PELI2: variants seen among roughly 807,000 people sequenced by gnomAD.
PELI2 encodes E3 ubiquitin-protein ligase pellino homolog 2.
A neutral mutation model predicts 42.3 loss-of-function variants in PELI2; 23 were observed. The ratio of observed to expected loss-of-function variants is 0.54; its 90% CI spans 0.39 to 0.77. The LOEUF (loss-of-function observed/expected upper bound fraction) is 0.77, where lower values mean the gene tolerates loss of function less well. Among genes scored for constraint, PELI2 ranks in the 30% least tolerant of loss-of-function variants. PELI2 has a pLI of 0.00. For synonymous variants in PELI2, 245 were observed against 212.2 expected, an observed-to-expected ratio of 1.15 and a Z score of -1.34; for missense variants, 463 against 553.2, an observed-to-expected ratio of 0.84 and a Z score of 1.64.
At position 56,297,048 on chromosome 14, in the gene PELI2, C is replaced by T; in HGVS notation, c.1145C>T (p.Ser382Phe). 1 of 1,613,690 alleles carries T rather than the reference C, an allele frequency of 6.2e-7. No homozygotes were observed. The highest frequency in any genetic ancestry group is 8.5e-7 in the Non-Finnish European group (1 of 1,179,980). ...VCSEKSAKYW[S>F]QIPLPHGTHA... Reference sequence around the variant, plus strand: ...TCGGAGAAGTCTGCAAAATACTGGTCTCAGATCCCGTTGCCTCATGGAACT... The same window carrying T: ...TCGGAGAAGTCTGCAAAATACTGGTTTCAGATCCCGTTGCCTCATGGAACT... Residue 382 changes from serine (S) to phenylalanine (F), a missense_variant, in exon 6 of 6, where the codon TCT becomes TTT. Physicochemically the swap from Ser to Phe is radical, Grantham distance 155. Transcript: ENST00000267460.
chr14:56,236,438 T>A (rs1388308799), intron 2 of PELI2, among the ~76,000 whole-genome samples: 3 of 152,172 alleles, frequency 2.0e-5, no homozygotes, highest in Non-Finnish European at 2.9e-5. Context: ...TATCCAGACT[T>A]CTAGCTGGCT....
At chr14:56,203,308 C>T (rs927903868) in intron 2 of PELI2, among the ~76,000 whole-genome samples, 3 of 152,116 alleles carry the variant, frequency 2.0e-5, no homozygotes, top group African/African-American at 7.2e-5. Flanking sequence ...CCACCTCACT[C>T]CAGCCTGGGT....
At chr14:56,245,608 C>A (rs1331236450) in intron 2 of PELI2, among the ~76,000 whole-genome samples, 1 of 152,050 alleles carries the variant, frequency 6.6e-6, no homozygotes, top group African/African-American at 2.4e-5. Context: ...GGCAAATTTT[C>A]TTTCTTTGGG....
At chr14:56,205,220 G>A (rs949336406) in intron 2 of PELI2, among the ~76,000 whole-genome samples, 4 of 152,186 alleles carry the variant, frequency 2.6e-5, no homozygotes, top group East Asian at 3.9e-4. Context: ...ACATGCTACC[G>A]TGAGTGGACT....
intron 1 of PELI2, among the ~76,000 whole-genome samples, chr14:56,152,080 G>A (rs1884381426): frequency 6.6e-6 from 1 of 152,190 alleles, no homozygotes; most frequent in Admixed American, 6.5e-5. Flanking sequence ...GGAAGAGAAA[G>A]GCCAGGGAAT....
chr14:56,172,454 G>T (rs1255819244), intron 1 of PELI2, among the ~76,000 whole-genome samples: 5 of 152,336 alleles, frequency 3.3e-5, no homozygotes, highest in Admixed American at 1.3e-4. Flanking sequence ...GATTTAGGGA[G>T]AGGGGAGTTA....
At chr14:56,223,229 G>A (rs1049953144) in intron 2 of PELI2, among the ~76,000 whole-genome samples, 2 of 152,068 alleles carry the variant, frequency 1.3e-5, no homozygotes, top group African/African-American at 2.4e-5. Context: ...TTCCTTAACC[G>A]TAACTCCCTC....
At chr14:56,122,877 A>G (rs1883114841) in intron 1 of PELI2, among the ~76,000 whole-genome samples, 1 of 152,362 alleles carries the variant, frequency 6.6e-6, no homozygotes, top group African/African-American at 2.4e-5. Flanking sequence ...ATATTTAAGT[A>G]TAAGTGATTC....
chr14:56,275,100 C>T (rs1889244104), intron 2 of PELI2, among the ~76,000 whole-genome samples: 1 of 152,174 alleles, frequency 6.6e-6, no homozygotes, highest in South Asian at 2.1e-4. Flanking sequence ...ATTCGTTTGA[C>T]ATTCATTGAA....
intron 2 of PELI2, among the ~76,000 whole-genome samples, chr14:56,198,010 A>ACACACACACACCCACC (rs772024884): frequency 8.7e-6 from 1 of 114,618 alleles, no homozygotes; most frequent in African/African-American, 3.0e-5. Context: ...ACACACACAC[A>ACACACACACACCCACC]CACCCACCTC....
intron 1 of PELI2, among the ~76,000 whole-genome samples, chr14:56,147,930 T>A (rs1029133477): frequency 2.6e-5 from 4 of 152,264 alleles, no homozygotes; most frequent in African/African-American, 9.6e-5. Context: ...GCATAGTCTA[T>A]GTAACTGAAC....
At chr14:56,184,758 A>G (rs929769594) in intron 2 of PELI2, among the ~76,000 whole-genome samples, 2 of 152,106 alleles carry the variant, frequency 1.3e-5, no homozygotes, top group African/African-American at 4.8e-5. Flanking sequence ...GAAAATCTGT[A>G]TATATTAAGA....
chr14:56,291,334 A>G (rs1889823049), intron 5 of PELI2, among the ~76,000 whole-genome samples: 1 of 152,188 alleles, frequency 6.6e-6, no homozygotes, highest in South Asian at 2.1e-4. Flanking sequence ...CATCACCAAA[A>G]ATGTCTAAGA....
At chr14:56,184,765 A>G (rs1364902309) in intron 2 of PELI2, among the ~76,000 whole-genome samples, 1 of 152,078 alleles carries the variant, frequency 6.6e-6, no homozygotes, top group African/African-American at 2.4e-5. Context: ...TGTATATATT[A>G]AGACTTGGTT....
At position 56,297,158 on chromosome 14, in the gene PELI2, A is replaced by C; in HGVS notation, c.1255A>C (p.Ile419Leu). The C allele has an allele frequency of 6.3e-7, 1 of 1,597,070 alleles. No homozygotes were observed. Among genetic ancestry groups the C allele is most frequent in the South Asian group, 1.1e-5 (1 of 90,838 alleles). ...CATCAAATTAATTTTCCAAGGTCCA[A>C]TTGACTGACGCCCTTGACAGCCATC... Reference protein sequence around the residue: ...NCIKLIFQGPID With the variant: ...NCIKLIFQGPLD Residue 419 changes from isoleucine (I) to leucine (L), a missense_variant, in exon 6 of 6, where the codon ATT (isoleucine) becomes CTT (leucine). Ile to Leu is a conservative substitution (Grantham distance 5). Coordinates refer to ENST00000267460, the MANE Select transcript of PELI2 (RefSeq NM_021255.3).
chr14:56,137,475 G>C (rs1883726235), intron 1 of PELI2, among the ~76,000 whole-genome samples: 1 of 152,074 alleles, frequency 6.6e-6, no homozygotes, highest in Non-Finnish European at 1.5e-5. Context: ...ACGGTACTCT[G>C]ACCCTGGTTC....
chr14:56,243,330 G>T (rs566110192), intron 2 of PELI2, among the ~76,000 whole-genome samples: 33 of 152,242 alleles, frequency 2.2e-4, no homozygotes, highest in African/African-American at 7.9e-4. Context: ...GCTGTGAGGG[G>T]GTTGGGATGA....
chr14:56,191,775 A>C (rs1885956610), intron 2 of PELI2, among the ~76,000 whole-genome samples: 1 of 152,212 alleles, frequency 6.6e-6, no homozygotes, highest in Non-Finnish European at 1.5e-5. Context: ...CTATAATACA[A>C]AATCATTTTT....
intron 1 of PELI2, among the ~76,000 whole-genome samples, chr14:56,137,247 A>G (rs1292786873): frequency 6.6e-6 from 1 of 152,166 alleles, no homozygotes; most frequent in Non-Finnish European, 1.5e-5. Flanking sequence ...GTGTATAGTA[A>G]GATGAATTTT....
Sources: gnomAD v4.1 joint callset for allele counts (sites outside exome capture counted in the v4.1 genomes callset) on GRCh38, gnomAD v4.1.1 for gene constraint, MANE v1.5 for transcripts, NCBI Gene and HGNC (gene_info 2026-07-23, HGNC 2026-07-21) for gene names.